The following RNGTT variants were observed in gnomAD, a reference collection of about 807,000 sequenced individuals.
RNGTT encodes the protein RNA guanylyltransferase and 5'-phosphatase.
A neutral mutation model predicts 79.3 loss-of-function variants in RNGTT; 33 were observed. The ratio of observed to expected loss-of-function variants is 0.42; its 90% CI spans 0.32 to 0.56. The LOEUF (loss-of-function observed/expected upper bound fraction) is 0.56, where lower values mean the gene tolerates loss of function less well. RNGTT is among the 20% of genes least tolerant of loss of function. The probability of loss-of-function intolerance (pLI) is 0.17; values close to 1 mark genes in which losing one functional copy is unlikely to be tolerated. For missense variants in RNGTT, 497 were observed against 739.1 expected (o/e 0.67, Z 3.80); for synonymous variants, 222 against 235.9 (o/e 0.94, Z 0.54).
At chr6:88,834,974 G>A (rs1484746866) in intron 11 of RNGTT, among the ~76,000 whole-genome samples, 2 of 152,032 alleles carry the variant, frequency 1.3e-5, no homozygotes, top group Non-Finnish European at 2.9e-5. Flanking sequence ...AATAACCTTT[G>A]TAATTGTCTA....
chr6:88,638,655 A>G (rs1459682042), intron 14 of RNGTT, among the ~76,000 whole-genome samples: 2 of 152,148 alleles, frequency 1.3e-5, no homozygotes, highest in African/African-American at 4.8e-5. Flanking sequence ...ACATAAAACA[A>G]AAGATTCTAG....
At position 88,683,981 on chromosome 6, in the gene RNGTT, C is replaced by T. The variant is rs115934137; in HGVS notation, c.1440-5562G>A. Among the ~76,000 whole-genome samples the T allele has an allele frequency of 4.1e-3, 618 of 152,190 alleles. 6 individuals are homozygous for T. The highest frequency in any genetic ancestry group is 0.014 in the African/African-American group (602 of 41,518). ...AGTGAGTCATGAATGCACCACTGTA[C>T]TCCAGCCTGAGTGACAGCAAAAACC... On this transcript the variant is annotated intron_variant, in intron 13 of 15. Transcript: ENST00000369485.
chr6:88,919,878 CAG>C (rs2127949712), intron 4 of RNGTT, among the ~76,000 whole-genome samples: 1 of 152,110 alleles, frequency 6.6e-6, no homozygotes, highest in South Asian at 2.1e-4. Flanking sequence ...TTAGTAGAGA[CAG>C]GGTTTCACCA....
At chr6:88,724,365 T>C (rs975414584) in intron 13 of RNGTT, among the ~76,000 whole-genome samples, 1 of 152,212 alleles carries the variant, frequency 6.6e-6, no homozygotes, top group Non-Finnish European at 1.5e-5. Context: ...AGATATGTTA[T>C]AATATGTAAA....
chr6:88,649,060 T>C (rs533573165), intron 14 of RNGTT, among the ~76,000 whole-genome samples: 1 of 152,266 alleles, frequency 6.6e-6, no homozygotes, highest in East Asian at 1.9e-4. Flanking sequence ...TGTTAAAATG[T>C]GGGCAAGGAA....
intron 2 of RNGTT, among the ~76,000 whole-genome samples, chr6:88,937,820 T>C (rs1445184001): frequency 2.0e-5 from 3 of 152,236 alleles, no homozygotes. Context: ...GGAGCATGTT[T>C]AATTTCCATG....
At chr6:88,949,177 A>AAAAAAAAAAAAAAAAAAAAG (rs1785156212) in intron 1 of RNGTT, among the ~76,000 whole-genome samples, 1 of 132,938 alleles carries the variant, frequency 7.5e-6, no homozygotes, top group African/African-American at 2.9e-5. Context: ...AAAAAAAAAA[A>AAAAAAAAAAAAAAAAAAAAG]AGAAAATGAA....
At chr6:88,785,761 AG>A (rs1779209982) in intron 12 of RNGTT, among the ~76,000 whole-genome samples, 1 of 152,188 alleles carries the variant, frequency 6.6e-6, no homozygotes, top group Non-Finnish European at 1.5e-5. Flanking sequence ...ACAAGGCATT[AG>A]GCTAATTCCA....
chr6:88,921,843 G>A (rs1181292397), intron 4 of RNGTT, among the ~76,000 whole-genome samples: 1 of 151,956 alleles, frequency 6.6e-6, no homozygotes, highest in African/African-American at 2.4e-5. Flanking sequence ...TATAGTAACT[G>A]TTCACATAGA....
rs185795313 is a variant in RNGTT at position 88,848,185 on chromosome 6, T to A, written c.1104+1570A>T. ...TACCATTTCACACACATCAAATTGGTAATAATATAAATGTGTGATAAAACG... is the reference window on the plus strand; with the variant it reads ...TACCATTTCACACACATCAAATTGGAAATAATATAAATGTGTGATAAAACG... On this transcript the variant is annotated intron_variant, in intron 10 of 15. Transcript: ENST00000369485. 2.6e-3 allele frequency among the ~76,000 whole-genome samples: 396 copies of A among 151,700 alleles called. 4 individuals are homozygous for A. Among genetic ancestry groups the A allele is most frequent in the Admixed American group, 4.6e-3 (70 of 15,246 alleles).
chr6:88,684,999 G>A (rs1375048225), intron 13 of RNGTT, among the ~76,000 whole-genome samples: 3 of 152,112 alleles, frequency 2.0e-5, no homozygotes, highest in Admixed American at 2.0e-4. Flanking sequence ...GAAAGACACG[G>A]AAGAAATCTA....
chr6:88,817,442 G>C (rs766810628), intron 11 of RNGTT, among the ~76,000 whole-genome samples: 27 of 123,434 alleles, frequency 2.2e-4, no homozygotes, highest in Admixed American at 5.3e-4. Flanking sequence ...AGGAATTTAA[G>C]ACCAGCCTGG....
chr6:88,863,681 G>T (rs946972118), intron 8 of RNGTT, among the ~76,000 whole-genome samples: 2 of 152,158 alleles, frequency 1.3e-5, no homozygotes, highest in Non-Finnish European at 2.9e-5. Flanking sequence ...ATGGGGCCCA[G>T]TGTCAGTTTC....
intron 13 of RNGTT, among the ~76,000 whole-genome samples, chr6:88,721,202 C>G (rs1776698491): frequency 2.0e-5 from 3 of 151,990 alleles, no homozygotes; most frequent in Non-Finnish European, 4.4e-5. Flanking sequence ...TGATCACTTC[C>G]AAATCTCTAC....
intron 13 of RNGTT, among the ~76,000 whole-genome samples, chr6:88,682,007 G>C (rs2756410): frequency 0.27 from 40,333 of 152,014 alleles, 9,339 homozygotes; most frequent in African/African-American, 0.63. Context: ...TAACCAATAT[G>C]TATTCTGAAA....
intron 1 of RNGTT, among the ~76,000 whole-genome samples, chr6:88,951,501 AT>A (rs143361155): frequency 0.014 from 2,097 of 152,272 alleles, 49 homozygotes; most frequent in African/African-American, 0.049. Flanking sequence ...TTGCTCTCTG[AT>A]TTCAAGAACT....
At chr6:88,904,436 C>A (rs1783578860) in intron 6 of RNGTT, among the ~76,000 whole-genome samples, 2 of 151,950 alleles carry the variant, frequency 1.3e-5, no homozygotes, top group Non-Finnish European at 2.9e-5. Context: ...AAAAATTAGC[C>A]AGTCGTGTTG....
At chr6:88,711,112 A>T (rs1284889828) in intron 13 of RNGTT, among the ~76,000 whole-genome samples, 1 of 152,166 alleles carries the variant, frequency 6.6e-6, no homozygotes, top group Non-Finnish European at 1.5e-5. Context: ...GTGCAAATAA[A>T]CCCAAACTAC....
At chr6:88,846,411 C>A (rs1287714596) in intron 10 of RNGTT, among the ~76,000 whole-genome samples, 1 of 152,048 alleles carries the variant, frequency 6.6e-6, no homozygotes, top group Non-Finnish European at 1.5e-5. Context: ...CTTAACAATC[C>A]ATTCTCATTT....
Sources: gnomAD v4.1 joint callset for allele counts (sites outside exome capture counted in the v4.1 genomes callset) on GRCh38, gnomAD v4.1.1 for gene constraint, MANE v1.5 for transcripts, NCBI Gene and HGNC (gene_info 2026-07-23, HGNC 2026-07-21) for gene names.